SPRY3: variants seen among roughly 807,000 people sequenced by gnomAD.
The protein encoded by SPRY3 is sprouty RTK signaling antagonist 3, also known as protein sprouty homolog 3.
A neutral mutation model predicts 20.2 loss-of-function variants in SPRY3; 15 were observed. The observed-to-expected ratio is 0.74, with a 90% CI of 0.50 to 1.14. The LOEUF (loss-of-function observed/expected upper bound fraction) is 1.14. SPRY3 is among the 50% of genes most tolerant of loss of function. The pLI is 0.00. For missense variants in SPRY3, 364 were observed against 363.9 expected, an observed-to-expected ratio of 1.00 and a Z score of 0.00; for synonymous variants, 143 against 136.5, an observed-to-expected ratio of 1.05 and a Z score of -0.33.
exon 4 of SPRY3, chrX:155,776,007 G>A (rs1317095554): frequency 2.4e-5 from 4 of 167,128 alleles, no homozygotes; most frequent in African/African-American, 9.6e-5. Context: ...GTTAACAGCA[G>A]AATTGAGACT....
intron 2 of SPRY3, among the ~76,000 whole-genome samples, chrX:155,712,884 T>C (rs1403324515): frequency 1.3e-5 from 2 of 152,016 alleles, no homozygotes; most frequent in African/African-American, 4.8e-5. Context: ...GCAGATACTA[T>C]CTTATATCCC....
chrX:155,624,681 G>A (rs1304777641), intron 1 of SPRY3, among the ~76,000 whole-genome samples: 1 of 111,373 alleles, frequency 9.0e-6, no homozygotes, highest in Non-Finnish European at 1.9e-5. Context: ...AGTTTCATAT[G>A]TTATTTAGCA....
At chrX:155,780,609 C>G (rs2091457571), downstream of SPRY3, 1 of 166,840 alleles carries the variant, frequency 6.0e-6, no homozygotes, top group Non-Finnish European at 1.5e-5. Flanking sequence ...GCTTTATAGT[C>G]TTGGATAGAA....
At chrX:155,767,283 C>G (rs949558867) in intron 2 of SPRY3, among the ~76,000 whole-genome samples, 2 of 151,768 alleles carry the variant, frequency 1.3e-5, no homozygotes, top group Non-Finnish European at 2.9e-5. Context: ...TCTTTCCCAT[C>G]CTCCCCTATA....
chrX:155,697,068 G>A (rs2068121146), intron 2 of SPRY3, among the ~76,000 whole-genome samples: 1 of 111,191 alleles, frequency 9.0e-6, no homozygotes, highest in Admixed American at 9.6e-5. Flanking sequence ...CCCTGTGATG[G>A]TTAATTTTAT....
At chrX:155,690,381 T>G (rs1355925370) in intron 2 of SPRY3, among the ~76,000 whole-genome samples, 1 of 87,795 alleles carries the variant, frequency 1.1e-5, no homozygotes, top group Non-Finnish European at 2.1e-5. Context: ...ATGCCCCAAT[T>G]AAAAGGCATA....
chrX:155,751,939 A>AAAATAAAAT (rs2091264623), intron 2 of SPRY3, among the ~76,000 whole-genome samples: 2 of 39,008 alleles, frequency 5.1e-5, no homozygotes, highest in East Asian at 8.4e-4. Context: ...AAAATAAAAT[A>AAAATAAAAT]AAATAAAATA....
intron 2 of SPRY3, among the ~76,000 whole-genome samples, chrX:155,766,264 ATTAT>A (rs1465490134): frequency 3.3e-5 from 5 of 152,096 alleles, no homozygotes; most frequent in African/African-American, 1.2e-4. Context: ...TTTAAATCTC[ATTAT>A]TTCTTTTGTC....
intron 2 of SPRY3, among the ~76,000 whole-genome samples, chrX:155,722,578 C>A (rs1452455516): frequency 2.0e-5 from 3 of 151,764 alleles, no homozygotes; most frequent in Non-Finnish European, 2.9e-5. Context: ...AGAAAATTAA[C>A]CTTCACATGA....
chrX:155,750,390 A>G (rs2091256272), intron 2 of SPRY3, among the ~76,000 whole-genome samples: 1 of 151,896 alleles, frequency 6.6e-6, no homozygotes, highest in African/African-American at 2.4e-5. Context: ...CAATATACTC[A>G]TGTAACAAAC....
chrX:155,657,598 G>GC, intron 2 of SPRY3, among the ~76,000 whole-genome samples: 1 of 112,056 alleles, frequency 8.9e-6, no homozygotes, highest in Middle Eastern at 4.6e-3. Context: ...CCTGGCTTCA[G>GC]CCCCCTTTCC....
At chrX:155,749,237 C>A (rs186133788) in intron 2 of SPRY3, among the ~76,000 whole-genome samples, 1 of 151,994 alleles carries the variant, frequency 6.6e-6, no homozygotes, top group Admixed American at 6.6e-5. Flanking sequence ...GTTGGTTATT[C>A]TTTTAGGCAC....
intron 2 of SPRY3, among the ~76,000 whole-genome samples, chrX:155,752,414 A>T (rs1489365007): frequency 1.3e-5 from 2 of 151,832 alleles, no homozygotes; most frequent in African/African-American, 4.8e-5. Context: ...CTGCATAACA[A>T]TTTAAAACAT....
intron 2 of SPRY3, among the ~76,000 whole-genome samples, chrX:155,766,764 T>C (rs1379704928): frequency 2.6e-5 from 4 of 152,192 alleles, no homozygotes; most frequent in African/African-American, 9.7e-5. Context: ...CCAGGGAGGC[T>C]GCATGAAGGC....
At chrX:155,758,110 T>C (rs2091290240) in intron 2 of SPRY3, among the ~76,000 whole-genome samples, 1 of 152,206 alleles carries the variant, frequency 6.6e-6, no homozygotes, top group African/African-American at 2.4e-5. Context: ...TTTAGCAGAC[T>C]GTGAGTAATG....
chrX:155,696,499 C>T (rs2068119344), intron 2 of SPRY3, among the ~76,000 whole-genome samples: 1 of 111,440 alleles, frequency 9.0e-6, no homozygotes, highest in South Asian at 3.7e-4. Context: ...AAGTCAAAAT[C>T]ATTTTTCTCC....
intron 2 of SPRY3, among the ~76,000 whole-genome samples, chrX:155,750,877 G>C (rs1470080608): frequency 6.6e-6 from 1 of 151,904 alleles, no homozygotes; most frequent in Admixed American, 6.6e-5. Context: ...CATGGAAACA[G>C]AAAAGGTGGA....
intron 2 of SPRY3, among the ~76,000 whole-genome samples, chrX:155,719,558 G>A (rs888134551): frequency 5.9e-5 from 9 of 152,134 alleles, no homozygotes; most frequent in Admixed American, 3.3e-4. Flanking sequence ...AGCTCCAAAA[G>A]AGACCCCTTC....
rs796414376 is a variant in SPRY3, at chrX:155,696,234, C to CAT, written c.-282+39219_-282+39220dup. On this transcript the variant is annotated intron_variant, in intron 2 of 3. Transcript: ENST00000675360. ...CACAACACACACACACACACACACA[C>CAT]ATATATATATACATATATATACAGA... Among the ~76,000 whole-genome samples the CAT allele has an allele frequency of 9.9e-3, 984 of 99,144 alleles. 9 individuals carry two copies. Among genetic ancestry groups the CAT allele is most frequent in the African/African-American group, 0.031 (788 of 25,074 alleles). The allele number at this position is 99,144 out of a possible 115,157, so 86.1% of individuals were successfully genotyped here. A position where few individuals can be genotyped will look rare whatever the true frequency, so the allele number is the denominator to read the frequency against.
Sources: gnomAD v4.1 joint callset for allele counts (sites outside exome capture counted in the v4.1 genomes callset) on GRCh38, gnomAD v4.1.1 for gene constraint, MANE v1.5 for transcripts, NCBI Gene and HGNC (gene_info 2026-07-23, HGNC 2026-07-21) for gene names.